FBXL14: variants seen among roughly 807,000 people sequenced by gnomAD.
The protein encoded by FBXL14 is F-box and leucine rich repeat protein 14.
In FBXL14, 11 loss-of-function variants were observed where a neutral mutation model predicts 24.5. The ratio of observed to expected loss-of-function variants is 0.45; its 90% CI spans 0.28 to 0.74. The LOEUF (loss-of-function observed/expected upper bound fraction) is 0.74, where lower values mean the gene tolerates loss of function less well. Among genes scored for constraint, FBXL14 ranks in the 30% least tolerant of loss-of-function variants. The probability of loss-of-function intolerance (pLI) is 0.12; values close to 1 mark genes in which losing one functional copy is unlikely to be tolerated. For synonymous variants in FBXL14, 294 were observed against 240.4 expected (o/e 1.22, Z -2.06); for missense variants, 384 against 545.6 (o/e 0.70, Z 2.95).
At chr12:1,570,799 G>A (rs1453878761) in intron 1 of FBXL14, among the ~76,000 whole-genome samples, 5 of 151,958 alleles carry the variant, frequency 3.3e-5, no homozygotes, top group East Asian at 1.9e-4. Flanking sequence ...GAGACCAAGC[G>A]GTAGTAATTC....
chr12:1,580,532 T>C (rs1265608332), intron 1 of FBXL14, among the ~76,000 whole-genome samples: 2 of 151,480 alleles, frequency 1.3e-5, no homozygotes, highest in Non-Finnish European at 2.9e-5. Flanking sequence ...GAAAACATAG[T>C]GGGGGGGGAG....
intron 1 of FBXL14, chr12:1,574,590 G>A: frequency 4.2e-6 from 1 of 236,146 alleles, no homozygotes; most frequent in Non-Finnish European, 8.5e-6. Flanking sequence ...GCTGGTAAAG[G>A]CCACCCTGCT....
At chr12:1,592,730 G>C in intron 1 of FBXL14, 143 bp downstream of exon 1, 2 of 722,452 alleles carry the variant, frequency 2.8e-6, no homozygotes, top group Non-Finnish European at 4.2e-6. Flanking sequence ...AGGAGGAAAC[G>C]AGCCTGAGGC....
rs1180039007 is a variant in FBXL14, at chr12:1,594,345, C to T, written c.-279G>A. 1.4e-5 allele frequency among the ~76,000 whole-genome samples: 2 copies of T among 144,982 alleles called. No homozygotes were observed. The highest frequency in any genetic ancestry group is 4.1e-4 in the East Asian group (2 of 4,888). On this transcript the variant is annotated 5_prime_UTR_variant, in exon 1 of 2. Transcript: ENST00000339235. The stretch of plus-strand genomic sequence containing the variant: ...GCTCACATCCCGGGCGGGGAAGGCG[C>T]CTCGCTCTCGCTCCCGGAGGCCGGC...
chr12:1,585,685 T>C (rs2094475156), intron 1 of FBXL14, among the ~76,000 whole-genome samples: 1 of 152,224 alleles, frequency 6.6e-6, no homozygotes, highest in African/African-American at 2.4e-5. Context: ...TTCTGGAGTG[T>C]GGATTACGTA....
chr12:1,592,215 A>G (rs1329700568), intron 1 of FBXL14, among the ~76,000 whole-genome samples: 1 of 147,356 alleles, frequency 6.8e-6, no homozygotes, highest in East Asian at 1.9e-4. Context: ...TATAATTTAT[A>G]TATATATAAT....
At chr12:1,570,617 A>G (rs539966869) in intron 1 of FBXL14, among the ~76,000 whole-genome samples, 28 of 152,138 alleles carry the variant, frequency 1.8e-4, no homozygotes, top group African/African-American at 6.7e-4. Context: ...TAGAATGTCT[A>G]GCATTTTGTC....
At position 1,592,865 on chromosome 12, in the gene FBXL14, C is replaced by T; in HGVS notation, c.1194+8G>A. The T allele has an allele frequency of 6.4e-7, 1 of 1,559,454 alleles. No homozygotes were observed. Among genetic ancestry groups the T allele is most frequent in the Non-Finnish European group, 8.7e-7 (1 of 1,148,824 alleles). On this transcript the variant is annotated splice_region_variant and intron_variant, in intron 1 of 1. Transcript: ENST00000339235. ...CAAGGGGAGCTGGTGCTGCCGCCCT[C>T]ACCTGACCTTCTCACTGTCCGTCAT...
rs143873613 is a variant in FBXL14, at chr12:1,593,260, C to T, written c.807G>A (p.Thr269=). Residue 269 remains threonine, a synonymous_variant, in exon 1 of 2, where the codon ACG becomes ACA. Transcript: ENST00000339235. This position sits in a 1 kb window ranked among gnomAD's most constrained non-coding sequence, Gnocchi z 7.4. ...TGCCCATGGCCAGATGCATGATGCC[C>T]GTGTCACTGATGTTGTCACAGGAGC... is the stretch of plus-strand genomic sequence containing the variant. ...NLRSCDNISD[T]GIMHLAMGSL... 5.0e-5 allele frequency: 81 copies of T among 1,612,730 alleles called. No individual in the cohort carries two copies. The African/African-American group carries it at 7.9e-4, about 16-fold the overall frequency.
chr12:1,585,126 C>T (rs1430026096), intron 1 of FBXL14, among the ~76,000 whole-genome samples: 1 of 151,978 alleles, frequency 6.6e-6, no homozygotes, highest in African/African-American at 2.4e-5. Flanking sequence ...TGGCCGGGCG[C>T]GGTGGCTCAC....
In FBXL14 at chr12:1,566,443, G is replaced by T; in HGVS notation, c.*305C>A. 3.4e-6 allele frequency: 1 copy of T among 290,226 alleles called. No individual in the cohort carries two copies. The allele number at this position is 290,226 out of a possible 1,614,324, so 18.0% of individuals were successfully genotyped here. On this transcript the variant is annotated 3_prime_UTR_variant, in exon 2 of 2. Transcript: ENST00000339235. ...AGTGTGGAACTTGTAGTTTCCTGTC[G>T]AAGAAGCTTGCAAATTGCAATTCCA... is the stretch of plus-strand genomic sequence containing the variant.
intron 1 of FBXL14, among the ~76,000 whole-genome samples, chr12:1,577,941 C>T (rs961104590): frequency 2.0e-5 from 3 of 152,170 alleles, no homozygotes; most frequent in Non-Finnish European, 4.4e-5. Context: ...GAAGCTCCAT[C>T]GCCCCCTGTA....
At chr12:1,592,754 C>G (rs1395714707) in intron 1 of FBXL14, 119 bp downstream of exon 1, 6 of 891,878 alleles carry the variant, frequency 6.7e-6, no homozygotes, top group South Asian at 1.8e-5. Context: ...TGTCATAGCC[C>G]CATCTCATCC....
intron 1 of FBXL14, among the ~76,000 whole-genome samples, chr12:1,587,856 T>C (rs575808567): frequency 6.6e-6 from 1 of 152,358 alleles, no homozygotes; most frequent in South Asian, 2.1e-4. Context: ...GCTTTACTCA[T>C]GATCCACATT....
intron 1 of FBXL14, among the ~76,000 whole-genome samples, chr12:1,578,807 T>C (rs1014115634): frequency 6.6e-6 from 1 of 152,078 alleles, no homozygotes; most frequent in African/African-American, 2.4e-5. Context: ...TCGGAGCAGC[T>C]CTCCCTGTAA....
chr12:1,580,216 C>T (rs1592469289), intron 1 of FBXL14, among the ~76,000 whole-genome samples: 1 of 152,172 alleles, frequency 6.6e-6, no homozygotes, highest in Admixed American at 6.5e-5. Context: ...GAAGTGAATG[C>T]CTCCAATCTT....
rs1165905100 is a variant in FBXL14 at position 1,593,944 on chromosome 12, G to A, written c.123C>T (p.His41=). 1 of 1,592,224 alleles carries A rather than the reference G, an allele frequency of 6.3e-7. No homozygotes were observed. ...VCTAWRDAAY[H]KSVWRGVEAK... ...CCTCCACCCCCCGCCACACCGACTT[G>A]TGGTAGGCGGCGTCCCGCCAGGCGG... is the stretch of plus-strand genomic sequence containing the variant. The change falls in exon 1 of 2, where the codon CAC becomes CAT. Residue 41 remains histidine, a synonymous_variant. Transcript: ENST00000339235. This position sits in a 1 kb window ranked among gnomAD's most constrained non-coding sequence, Gnocchi z 7.4.
At chr12:1,574,014 G>GAA (rs200835470) in intron 1 of FBXL14, among the ~76,000 whole-genome samples, 5 of 116,736 alleles carry the variant, frequency 4.3e-5, no homozygotes, top group Non-Finnish European at 7.5e-5. Flanking sequence ...TCAAAAAAAA[G>GAA]AAAAAAAAAA....
chr12:1,591,127 C>T (rs2094488608), intron 1 of FBXL14, among the ~76,000 whole-genome samples: 1 of 152,172 alleles, frequency 6.6e-6, no homozygotes, highest in South Asian at 2.1e-4. Context: ...TAAAGCCAAA[C>T]ATTATATAAA....
Sources: gnomAD v4.1 joint callset for allele counts (sites outside exome capture counted in the v4.1 genomes callset) on GRCh38, gnomAD v4.1.1 for gene constraint, Gnocchi (gnomAD v3.1) non-coding constraint, MANE v1.5 for transcripts, NCBI Gene and HGNC (gene_info 2026-07-23, HGNC 2026-07-21) for gene names.